The following SFXN1 variants were observed in gnomAD, a reference collection of about 807,000 sequenced individuals.
SFXN1 encodes sideroflexin 1, also known as sideroflexin-1.
SFXN1 carries 32 observed loss-of-function variants against 39.5 expected under a neutral mutation model. That is an observed-to-expected ratio of 0.81 (90% CI 0.61 to 1.09). The LOEUF (loss-of-function observed/expected upper bound fraction) is 1.09, where lower values mean the gene tolerates loss of function less well. Among genes scored for constraint, SFXN1 ranks in the 50% least tolerant of loss-of-function variants. SFXN1 has a pLI of 0.00. For missense variants in SFXN1, 402 were observed against 407.1 expected (o/e 0.99, Z 0.11); for synonymous variants, 136 against 146.5 (o/e 0.93, Z 0.52).
At chr5:175,494,421 A>G (rs1759780131) in intron 2 of SFXN1, among the ~76,000 whole-genome samples, 1 of 152,180 alleles carries the variant, frequency 6.6e-6, no homozygotes, top group South Asian at 2.1e-4. Context: ...GAATTTCACA[A>G]TAGATCATCT....
At chr5:175,480,552 A>G (rs773691828) in intron 1 of SFXN1, among the ~76,000 whole-genome samples, 1 of 152,218 alleles carries the variant, frequency 6.6e-6, no homozygotes, top group South Asian at 2.1e-4. Flanking sequence ...AGAGGACCCT[A>G]TATGGCAAAG....
intron 1 of SFXN1, among the ~76,000 whole-genome samples, chr5:175,479,515 A>G (rs945811902): frequency 1.6e-4 from 24 of 151,270 alleles, no homozygotes; most frequent in African/African-American, 4.6e-4. Context: ...CCCCCCACAC[A>G]CCCTTTGTAA....
At chr5:175,505,537 C>CAATAAT (rs3049011) in intron 2 of SFXN1, among the ~76,000 whole-genome samples, 3,970 of 143,796 alleles carry the variant, frequency 0.028, 92 homozygotes, top group Admixed American at 0.066. Flanking sequence ...AACTCCATCA[C>CAATAAT]AATAATAATA....
Position 175,529,663 on chromosome 5 carries a change from G to A in SFXN1, c.*2929G>A, listed in dbSNP as rs1166956524. On this transcript the variant is annotated 3_prime_UTR_variant, in exon 11 of 11. Transcript: ENST00000321442. Reference sequence around the variant, plus strand: ...CAGCTTTTATTTCAGTATTAGCACAGCGTCTTGCCAGTGTTGGAGGCCATG... The same window carrying A: ...CAGCTTTTATTTCAGTATTAGCACAACGTCTTGCCAGTGTTGGAGGCCATG... 1 of 152,218 alleles carries A rather than the reference G, an allele frequency of 6.6e-6. No individual in the cohort carries two copies. Among genetic ancestry groups the A allele is most frequent in the African/African-American group, 2.4e-5 (1 of 41,446 alleles). The allele number at this position is 152,218 out of a possible 1,614,324, so 9.4% of individuals were successfully genotyped here.
intron 2 of SFXN1, 69 bp downstream of exon 2, chr5:175,492,336 C>T: frequency 7.6e-7 from 1 of 1,319,398 alleles, no homozygotes; most frequent in Non-Finnish European, 1.0e-6. Context: ...TATCTTTAAA[C>T]CTTCACTTAG....
Position 175,526,757 on chromosome 5 carries a change from C to T in SFXN1, c.*23C>T. ...TAAAGCAGGGAGGAAACCTCTGCAG[C>T]TCATTCTGCCACTGCAAAGCTGGTG... On this transcript the variant is annotated 3_prime_UTR_variant, in exon 11 of 11. Coordinates refer to ENST00000321442, the MANE Select transcript of SFXN1 (RefSeq NM_022754.7). 1 of 1,567,984 alleles carries T rather than the reference C, an allele frequency of 6.4e-7. No homozygotes were observed. The highest frequency in any genetic ancestry group is 8.8e-7 in the Non-Finnish European group (1 of 1,138,452).
intron 3 of SFXN1, 160 bp downstream of exon 3, chr5:175,509,362 T>A (rs1434939067): frequency 1.7e-6 from 1 of 604,924 alleles, no homozygotes; most frequent in African/African-American, 1.9e-5. Context: ...AATGTACTTA[T>A]GAATCAAAAC....
chr5:175,513,768 AG>A (rs1330099757), intron 7 of SFXN1, 178 bp downstream of exon 7: 1 of 623,764 alleles, frequency 1.6e-6, no homozygotes, highest in South Asian at 1.8e-5. Context: ...GATGAGGGCA[AG>A]GGGGCAATGG....
chr5:175,510,594 T>C (rs1760478672), intron 4 of SFXN1, among the ~76,000 whole-genome samples: 1 of 152,002 alleles, frequency 6.6e-6, no homozygotes, highest in Admixed American at 6.5e-5. Context: ...ACGTTAAGAG[T>C]AGAGGAGACA....
intron 1 of SFXN1, among the ~76,000 whole-genome samples, chr5:175,489,542 T>C (rs767157956): frequency 6.6e-5 from 10 of 152,194 alleles, no homozygotes; most frequent in Non-Finnish European, 1.3e-4. Flanking sequence ...AATTTAGTCA[T>C]GTCTGCATAC....
In SFXN1 at chr5:175,510,777, T is replaced by A. The variant is rs370187058; in HGVS notation, c.434+570T>A. ...AAGATTAGTTAACCAAAAACGTTAG[T>A]TAGCATAATTGTATTACACTTGAAA... On this transcript the variant is annotated intron_variant, in intron 4 of 10. Coordinates refer to ENST00000321442, the MANE Select transcript of SFXN1 (RefSeq NM_022754.7). 2.6e-4 allele frequency among the ~76,000 whole-genome samples: 39 copies of A among 152,368 alleles called. No homozygotes were observed. The East Asian group carries it at 5.4e-3, about 21-fold the overall frequency.
intron 8 of SFXN1, among the ~76,000 whole-genome samples, chr5:175,517,174 G>T (rs1760736966): frequency 6.6e-6 from 1 of 152,224 alleles, no homozygotes; most frequent in South Asian, 2.1e-4. Flanking sequence ...ATGCGAAGGA[G>T]CTGGAAAATG....
chr5:175,497,749 T>G (rs1759908502), intron 2 of SFXN1, among the ~76,000 whole-genome samples: 1 of 151,826 alleles, frequency 6.6e-6, no homozygotes, highest in Non-Finnish European at 1.5e-5. Flanking sequence ...GCCAACATGG[T>G]GAAATCCTGT....
chr5:175,510,591 G>C (rs1323566209), intron 4 of SFXN1, among the ~76,000 whole-genome samples: 1 of 152,204 alleles, frequency 6.6e-6, no homozygotes, highest in Non-Finnish European at 1.5e-5. Flanking sequence ...CCAACGTTAA[G>C]AGTAGAGGAG....
At chr5:175,524,160 A>T (rs1014178541) in intron 10 of SFXN1, 1 of 122,242 alleles carries the variant, frequency 8.2e-6, no homozygotes, top group African/African-American at 3.1e-5. Flanking sequence ...ATATATATAT[A>T]TATATATATA....
At position 175,527,055 on chromosome 5, in the gene SFXN1, G is replaced by A. The variant is rs957798331; in HGVS notation, c.*321G>A. The A allele has an allele frequency of 3.7e-6, 1 of 271,272 alleles. No homozygotes were observed. The highest frequency in any genetic ancestry group is 7.0e-6 in the Non-Finnish European group (1 of 143,590). 16.8% of individuals were successfully genotyped at this position (271,272 alleles called of 1,614,324 possible). ...CTGGTAGGCATAGAATAGGTGCTCA[G>A]TATATGGTCAGTAAATGTTCTATTG... On this transcript the variant is annotated 3_prime_UTR_variant, in exon 11 of 11. Transcript: ENST00000321442.
intron 1 of SFXN1, among the ~76,000 whole-genome samples, chr5:175,487,103 G>A (rs1759477003): frequency 6.6e-6 from 1 of 152,180 alleles, no homozygotes; most frequent in African/African-American, 2.4e-5. Context: ...AAAGAAGGGT[G>A]CAGGGAAGGA....
chr5:175,508,795 A>C (rs1025803277), intron 2 of SFXN1, among the ~76,000 whole-genome samples: 7 of 151,744 alleles, frequency 4.6e-5, no homozygotes, highest in Non-Finnish European at 8.8e-5. Flanking sequence ...GTGCCACCGC[A>C]CCCGGCTAAT....
intron 10 of SFXN1, chr5:175,524,124 AAATATATATAT>A (rs1434790201): frequency 5.6e-4 from 14 of 25,008 alleles, no homozygotes; most frequent in South Asian, 4.0e-3. Context: ...AAAAAAAAAA[AAATATATATAT>A]ATATATATAT....
Sources: allele counts gnomAD v4.1 joint callset (sites outside exome capture counted in the v4.1 genomes callset), GRCh38; gene constraint gnomAD v4.1.1; transcripts MANE v1.5; gene names NCBI Gene and HGNC (gene_info 2026-07-23, HGNC 2026-07-21).